DIAPH3: variants seen among roughly 807,000 people sequenced by gnomAD.
The protein encoded by DIAPH3 is diaphanous related formin 3, also known as protein diaphanous homolog 3.
Under a neutral mutation model 144.3 loss-of-function variants are expected in DIAPH3, and 117 were observed. The ratio of observed to expected loss-of-function variants is 0.81; its 90% confidence interval spans 0.70 to 0.95. The LOEUF is 0.95. Among genes scored for constraint, DIAPH3 ranks in the 40% least tolerant of loss-of-function variants. The pLI is 0.00. For missense variants in DIAPH3, 1,421 were observed against 1,412.7 expected (o/e 1.01, Z -0.09); for synonymous variants, 519 against 488.9 (o/e 1.06, Z -0.81).
intron 20 of DIAPH3, among the ~76,000 whole-genome samples, chr13:59,884,645 C>T (rs1461590200): frequency 6.6e-6 from 1 of 151,924 alleles, no homozygotes; most frequent in Non-Finnish European, 1.5e-5. Flanking sequence ...AGAATTAAGA[C>T]ACTAGAGAAA....
intron 7 of DIAPH3, among the ~76,000 whole-genome samples, chr13:60,014,395 G>A (rs2053488427): frequency 6.6e-6 from 1 of 152,090 alleles, no homozygotes; most frequent in Non-Finnish European, 1.5e-5. Context: ...CGTGAATTCA[G>A]CATAGAAAGG....
chr13:60,151,799 A>G (rs1459292913), intron 1 of DIAPH3, among the ~76,000 whole-genome samples: 1 of 152,216 alleles, frequency 6.6e-6, no homozygotes, highest in African/African-American at 2.4e-5. Flanking sequence ...CATGGTTTTA[A>G]TTGGAGACCG....
chr13:59,797,849 G>C (rs2039693766), intron 25 of DIAPH3, among the ~76,000 whole-genome samples: 1 of 152,056 alleles, frequency 6.6e-6, no homozygotes, highest in Non-Finnish European at 1.5e-5. Flanking sequence ...GGTTAATCTA[G>C]CTACAAAAAC....
chr13:60,064,565 G>T (rs1199832478), intron 4 of DIAPH3, among the ~76,000 whole-genome samples: 1 of 152,194 alleles, frequency 6.6e-6, no homozygotes, highest in African/African-American at 2.4e-5. Context: ...TAAAACTGAA[G>T]AGAGTTAGGG....
chr13:59,816,863 C>A (rs1478763448), intron 24 of DIAPH3, among the ~76,000 whole-genome samples: 1 of 151,834 alleles, frequency 6.6e-6, no homozygotes, highest in Non-Finnish European at 1.5e-5. Flanking sequence ...TTGACTTATT[C>A]TCTTAAGCAC....
chr13:59,826,355 AC>A (rs2041420651), intron 24 of DIAPH3, among the ~76,000 whole-genome samples: 1 of 135,994 alleles, frequency 7.4e-6, no homozygotes, highest in African/African-American at 2.7e-5. Context: ...AAATCAATGT[AC>A]AAAAATCACA....
At chr13:60,021,904 T>C (rs764364551) in intron 5 of DIAPH3, among the ~76,000 whole-genome samples, 1 of 152,156 alleles carries the variant, frequency 6.6e-6, no homozygotes, top group Non-Finnish European at 1.5e-5. Context: ...TCATAAACAC[T>C]AGATGTCTCC....
chr13:59,992,352 A>T, intron 10 of DIAPH3, 121 bp downstream of exon 10: 3 of 1,100,372 alleles, frequency 2.7e-6, no homozygotes, highest in Non-Finnish European at 3.9e-6. Context: ...TCAAAAATAG[A>T]TTTTTTAACT....
intron 27 of DIAPH3, among the ~76,000 whole-genome samples, chr13:59,771,462 A>C (rs17057232): frequency 0.042 from 6,467 of 152,206 alleles, 232 homozygotes; most frequent in Admixed American, 0.1. Context: ...CAGACTAGGA[A>C]AACAGTGCTA....
chr13:60,069,453 T>C (rs576912799), intron 4 of DIAPH3, among the ~76,000 whole-genome samples: 8 of 152,316 alleles, frequency 5.3e-5, no homozygotes, highest in Non-Finnish European at 8.8e-5. Context: ...GATGGTTTCT[T>C]TTGCTGTGAG....
intron 17 of DIAPH3, among the ~76,000 whole-genome samples, chr13:59,968,539 G>A (rs1010000445): frequency 6.6e-6 from 1 of 152,114 alleles, no homozygotes; most frequent in African/African-American, 2.4e-5. Context: ...TTACTAGGGT[G>A]AGCTTGCTGA....
At chr13:60,059,583 A>C (rs1432860166) in intron 4 of DIAPH3, among the ~76,000 whole-genome samples, 1 of 151,944 alleles carries the variant, frequency 6.6e-6, no homozygotes, top group African/African-American at 2.4e-5. Context: ...GTCACACAGG[A>C]CCACTTGTTT....
At chr13:59,869,432 C>A (rs1346864313) in intron 21 of DIAPH3, among the ~76,000 whole-genome samples, 1 of 152,054 alleles carries the variant, frequency 6.6e-6, no homozygotes, top group Non-Finnish European at 1.5e-5. Flanking sequence ...AGCACAAAGG[C>A]CATCAAAGGA....
At chr13:59,692,719 T>C (rs1011599194) in intron 27 of DIAPH3, among the ~76,000 whole-genome samples, 2 of 152,072 alleles carry the variant, frequency 1.3e-5, no homozygotes, top group Admixed American at 1.3e-4. Flanking sequence ...TAACCTACTC[T>C]ATTAGGCCTC....
At chr13:59,833,028 G>C (rs574768169) in intron 24 of DIAPH3, 79 bp downstream of exon 24, 1 of 1,068,006 alleles carries the variant, frequency 9.4e-7, no homozygotes, top group South Asian at 1.4e-5. Flanking sequence ...ACAGCAACAA[G>C]AGTAGAACGA....
At position 59,970,914 on chromosome 13, in the gene DIAPH3, C is replaced by A. The variant is rs746360207; in HGVS notation, c.1897G>T (p.Gly633Trp). The change falls in exon 16 of 28, where the codon GGG becomes TGG. Residue 633 changes from glycine (G) to tryptophan (W), a missense_variant. Gly to Trp is a radical substitution (Grantham distance 184). Transcript: ENST00000400324. ...TTAAATTCTTTCTTTGGTTTCAACC[C>A]AAATGGCAGGATTGGTAGAGGAGGA... The part of the protein sequence containing the change: ...NSPPLPILPF[G>W]LKPKKEFKPE... 5 of 1,613,730 alleles carry A rather than the reference C, an allele frequency of 3.1e-6. No homozygotes were observed. The South Asian group carries it at 5.5e-5, about 18-fold the overall frequency.
At chr13:59,952,430 A>G (rs2049148651) in intron 17 of DIAPH3, among the ~76,000 whole-genome samples, 1 of 152,212 alleles carries the variant, frequency 6.6e-6, no homozygotes, top group Non-Finnish European at 1.5e-5. Flanking sequence ...TTTTCAGGAA[A>G]AATACCTACA....
At chr13:59,843,007 C>T (rs983833434) in intron 22 of DIAPH3, among the ~76,000 whole-genome samples, 2 of 152,162 alleles carry the variant, frequency 1.3e-5, no homozygotes, top group Non-Finnish European at 2.9e-5. Context: ...TCTTCAGCCC[C>T]TCTCGCACCC....
Position 59,969,947 on chromosome 13 carries a change from T to C in DIAPH3, c.2071A>G (p.Lys691Glu). ...KLENTFCCQQ[K>E]ERREEEDIEE... ...ATAATCAAGATGTTAAACTTACCTT[T>C]TTGTTGGCAACAAAATGTATTCTCA... is the stretch of plus-strand genomic sequence containing the variant. The change falls in exon 17 of 28, where the codon AAA becomes GAA. Residue 691 changes from lysine (K) to glutamate (E), a missense_variant. Transcript: ENST00000400324. 3 of 1,590,602 alleles carry C rather than the reference T, an allele frequency of 1.9e-6. No homozygotes were observed. Among genetic ancestry groups the C allele is most frequent in the Non-Finnish European group, 2.6e-6 (3 of 1,162,314 alleles).
Sources: gnomAD v4.1 joint callset for allele counts (sites outside exome capture counted in the v4.1 genomes callset) on GRCh38, gnomAD v4.1.1 for gene constraint, MANE v1.5 for transcripts, NCBI Gene and HGNC (gene_info 2026-07-23, HGNC 2026-07-21) for gene names.